Variants in SORCS1 observed in about 807,000 individuals in gnomAD.
SORCS1 encodes sortilin related VPS10 domain containing receptor 1.
SORCS1 carries 60 observed loss-of-function variants against 146.1 expected under a neutral mutation model. The ratio of observed to expected loss-of-function variants is 0.41; its 90% CI spans 0.33 to 0.51. The LOEUF (loss-of-function observed/expected upper bound fraction) is 0.51, where lower values mean the gene tolerates loss of function less well. Among genes scored for constraint, SORCS1 ranks in the 20% least tolerant of loss-of-function variants. The pLI is 0.21. For synonymous variants in SORCS1, 637 were observed against 584.0 expected (o/e 1.09, Z -1.31); for missense variants, 1,352 against 1,487.6 (o/e 0.91, Z 1.50).
chr10:106,662,173 A>G (rs1850778846), intron 17 of SORCS1, among the ~76,000 whole-genome samples: 1 of 152,226 alleles, frequency 6.6e-6, no homozygotes, highest in South Asian at 2.1e-4. Flanking sequence ...TCTCATCAAA[A>G]TAGCATTTTA....
chr10:106,681,488 G>A (rs1437965646), intron 10 of SORCS1, among the ~76,000 whole-genome samples: 1 of 152,150 alleles, frequency 6.6e-6, no homozygotes, highest in Non-Finnish European at 1.5e-5. Flanking sequence ...ATAGAAGCTT[G>A]CAATATCAAG....
At chr10:107,135,769 G>T (rs1224092803) in intron 1 of SORCS1, among the ~76,000 whole-genome samples, 2 of 152,164 alleles carry the variant, frequency 1.3e-5, no homozygotes, top group African/African-American at 4.8e-5. Flanking sequence ...AAAGTGCCTG[G>T]CCAGTAGGAG....
At chr10:106,749,999 C>T (rs574014384) in intron 5 of SORCS1, among the ~76,000 whole-genome samples, 67 of 152,242 alleles carry the variant, frequency 4.4e-4, no homozygotes, top group African/African-American at 1.6e-3. Flanking sequence ...CTCCTATTGA[C>T]TAAAGGCAAC....
At chr10:106,666,549 TCTC>T (rs1467423022) in intron 17 of SORCS1, among the ~76,000 whole-genome samples, 3 of 145,870 alleles carry the variant, frequency 2.1e-5, no homozygotes, top group East Asian at 4.0e-4. Flanking sequence ...ACAATAAATC[TCTC>T]TCTTTTTTTT....
chr10:106,924,995 TA>T (rs1952942985), intron 2 of SORCS1, among the ~76,000 whole-genome samples: 1 of 152,254 alleles, frequency 6.6e-6, no homozygotes, highest in African/African-American at 2.4e-5. Flanking sequence ...ACATACTTTC[TA>T]AACCATATTT....
At chr10:106,806,540 G>C (rs1219257075) in intron 3 of SORCS1, among the ~76,000 whole-genome samples, 2 of 94,706 alleles carry the variant, frequency 2.1e-5, no homozygotes, top group Non-Finnish European at 3.9e-5. Context: ...TTTTGAGATG[G>C]AGTCTTGCAC....
intron 9 of SORCS1, among the ~76,000 whole-genome samples, chr10:106,690,774 G>A (rs1765386209): frequency 6.6e-6 from 1 of 152,106 alleles, no homozygotes; most frequent in African/African-American, 2.4e-5. Flanking sequence ...TTCTTTTGTT[G>A]CTTTGGCCTG....
At chr10:106,910,314 T>TGTGTGTGTGTGA (rs753133203) in intron 2 of SORCS1, among the ~76,000 whole-genome samples, 86 of 126,772 alleles carry the variant, frequency 6.8e-4, no homozygotes, top group African/African-American at 2.9e-3. Context: ...TGTGTGTGTG[T>TGTGTGTGTGTGA]GAGACAGTAT....
chr10:106,939,477 A>C (rs1953922675), intron 2 of SORCS1, among the ~76,000 whole-genome samples: 2 of 152,220 alleles, frequency 1.3e-5, no homozygotes, highest in South Asian at 4.1e-4. Context: ...GTCTTTTTAA[A>C]GTTTTGGTCC....
At chr10:106,706,489 C>T in intron 8 of SORCS1, 56 bp downstream of exon 8, 1 of 1,536,254 alleles carries the variant, frequency 6.5e-7, no homozygotes, top group Non-Finnish European at 9.0e-7. Flanking sequence ...GGGATGGAGG[C>T]TGGCTTCTGT....
At chr10:106,908,646 T>C (rs1952015078) in intron 2 of SORCS1, among the ~76,000 whole-genome samples, 1 of 152,184 alleles carries the variant, frequency 6.6e-6, no homozygotes, top group African/African-American at 2.4e-5. Context: ...CATTATCCAT[T>C]CTGTCCATTC....
At chr10:107,056,000 G>A (rs551551235) in intron 1 of SORCS1, among the ~76,000 whole-genome samples, 99 of 152,284 alleles carry the variant, frequency 6.5e-4, no homozygotes, top group African/African-American at 2.3e-3. Flanking sequence ...CTCCAGCCAC[G>A]AAGAAACAAA....
At position 106,734,865 on chromosome 10, in the gene SORCS1, T is replaced by C. The variant is rs560983022; in HGVS notation, c.960-4751A>G. Reference sequence around the variant, plus strand: ...TATTAATACCTAAGAAATTAAAATGTATGCTGGTATTAAAAAACTCTTGAC... The same window carrying C: ...TATTAATACCTAAGAAATTAAAATGCATGCTGGTATTAAAAAACTCTTGAC... On this transcript the variant is annotated intron_variant, in intron 5 of 25. Coordinates refer to ENST00000263054, the MANE Select transcript of SORCS1 (RefSeq NM_052918.5). 6.5e-4 allele frequency among the ~76,000 whole-genome samples: 99 copies of C among 152,282 alleles called. 1 individual carries two copies. Among genetic ancestry groups the C allele is most frequent in the African/African-American group, 2.3e-3 (97 of 41,558 alleles).
At chr10:106,683,860 C>T (rs113508614) in intron 10 of SORCS1, among the ~76,000 whole-genome samples, 364 of 152,230 alleles carry the variant, frequency 2.4e-3, no homozygotes, top group African/African-American at 7.9e-3. Context: ...AAAGAGTCAA[C>T]GGCAAAGAGG....
intron 1 of SORCS1, among the ~76,000 whole-genome samples, chr10:107,159,844 G>GAAA (rs112408335): frequency 7.0e-6 from 1 of 142,992 alleles, no homozygotes; most frequent in African/African-American, 2.5e-5. Flanking sequence ...CCTCCCCACC[G>GAAA]AAAAAAAAAA....
At chr10:107,151,505 T>C (rs1231527202) in intron 1 of SORCS1, among the ~76,000 whole-genome samples, 1 of 151,314 alleles carries the variant, frequency 6.6e-6, no homozygotes, top group Non-Finnish European at 1.5e-5. Flanking sequence ...CGAGAGAAAA[T>C]GAGGAAGAAG....
intron 5 of SORCS1, among the ~76,000 whole-genome samples, chr10:106,751,793 A>C (rs192121954): frequency 2.0e-4 from 31 of 152,322 alleles, no homozygotes; most frequent in Admixed American, 1.8e-3. Flanking sequence ...ACATGTGTAC[A>C]TGTACAAGCA....
At chr10:106,993,384 C>T (rs1190678450) in intron 1 of SORCS1, among the ~76,000 whole-genome samples, 1 of 152,176 alleles carries the variant, frequency 6.6e-6, no homozygotes, top group African/African-American at 2.4e-5. Flanking sequence ...ATATCACTCT[C>T]AAAGCATCCC....
At chr10:107,101,899 C>T (rs1964949444) in intron 1 of SORCS1, among the ~76,000 whole-genome samples, 2 of 152,048 alleles carry the variant, frequency 1.3e-5, no homozygotes, top group African/African-American at 4.8e-5. Flanking sequence ...TCTCAGTTGG[C>T]CCAGTTTGTA....
Sources: allele counts gnomAD v4.1 joint callset (sites outside exome capture counted in the v4.1 genomes callset), GRCh38; gene constraint gnomAD v4.1.1; transcripts MANE v1.5; gene names NCBI Gene and HGNC (gene_info 2026-07-23, HGNC 2026-07-21).